Variants in BTBD9 observed in about 807,000 individuals in gnomAD.
BTBD9 encodes the protein BTB domain containing 9, also known as BTB/POZ domain-containing protein 9.
In BTBD9, 49 loss-of-function variants were observed where a neutral mutation model predicts 64.3. The observed-to-expected ratio is 0.76, with a 90% CI of 0.61 to 0.97. The LOEUF is 0.97. Among genes scored for constraint, BTBD9 ranks in the 50% least tolerant of loss-of-function variants. The probability of loss-of-function intolerance (pLI) is 0.00; values close to 1 mark genes in which losing one functional copy is unlikely to be tolerated. For missense variants in BTBD9, 598 were observed against 762.1 expected (o/e 0.78, Z 2.53); for synonymous variants, 260 against 274.7 (o/e 0.95, Z 0.53).
chr6:38,183,171 G>C (rs530063159), intron 10 of BTBD9, among the ~76,000 whole-genome samples: 1 of 152,076 alleles, frequency 6.6e-6, no homozygotes, highest in Non-Finnish European at 1.5e-5. Flanking sequence ...TAGTAGAGAT[G>C]GGGTTTCACC....
chr6:38,301,050 T>C (rs1482212709), intron 7 of BTBD9, among the ~76,000 whole-genome samples: 1 of 152,228 alleles, frequency 6.6e-6, no homozygotes, highest in African/African-American at 2.4e-5. Flanking sequence ...ACCTAATTTA[T>C]TGAGAGTTTT....
Position 38,175,027 on chromosome 6 carries a change from G to A in BTBD9, c.1797C>T (p.Ser599=). ...TGGGGGAGCGTGAGTTGGAGCCTGG[G>A]CTGGAGGGTAGTGAGCTGCCACTAG... is the stretch of plus-strand genomic sequence containing the variant. ...RAPSGSSLPS[S]PGSNSRSPNR... Residue 599 remains serine, a synonymous_variant, in exon 11 of 11, where the codon AGC becomes AGT. Transcript: ENST00000481247. 6.2e-7 allele frequency: 1 copy of A among 1,614,110 alleles called. No homozygotes were observed. Among genetic ancestry groups the A allele is most frequent in the Non-Finnish European group, 8.5e-7 (1 of 1,180,048 alleles).
chr6:38,602,418 C>G (rs1777282877), intron 1 of BTBD9, among the ~76,000 whole-genome samples: 1 of 150,052 alleles, frequency 6.7e-6, no homozygotes, highest in Non-Finnish European at 1.5e-5. Context: ...TACTAATGAA[C>G]AAAAAAATCT....
At chr6:38,420,332 G>A (rs1352641044) in intron 6 of BTBD9, among the ~76,000 whole-genome samples, 1 of 152,142 alleles carries the variant, frequency 6.6e-6, no homozygotes, top group Non-Finnish European at 1.5e-5. Context: ...CGCTTATACT[G>A]GGCAGGAAAC....
At chr6:38,331,385 A>G (rs1042609685) in intron 7 of BTBD9, among the ~76,000 whole-genome samples, 1 of 152,138 alleles carries the variant, frequency 6.6e-6, no homozygotes, top group African/African-American at 2.4e-5. Context: ...AGGCTGAGAC[A>G]TAAGAATCAC....
intron 1 of BTBD9, among the ~76,000 whole-genome samples, chr6:38,623,879 G>T (rs1289842125): frequency 2.6e-5 from 4 of 152,172 alleles, no homozygotes; most frequent in African/African-American, 9.7e-5. Context: ...AGGACCCCTG[G>T]ACTGACCCAC....
At chr6:38,415,811 T>C (rs1310008405) in intron 6 of BTBD9, among the ~76,000 whole-genome samples, 2 of 152,062 alleles carry the variant, frequency 1.3e-5, no homozygotes, top group Non-Finnish European at 2.9e-5. Context: ...TCTCCATTCC[T>C]ATCCACTGAT....
At chr6:38,278,220 G>A (rs1761358621) in intron 8 of BTBD9, among the ~76,000 whole-genome samples, 3 of 152,164 alleles carry the variant, frequency 2.0e-5, no homozygotes, top group Admixed American at 2.0e-4. Flanking sequence ...GAAAATTGTA[G>A]AGATCACTGA....
chr6:38,279,473 GT>G (rs1316056108), intron 8 of BTBD9, among the ~76,000 whole-genome samples: 1 of 151,984 alleles, frequency 6.6e-6, no homozygotes, highest in African/African-American at 2.4e-5. Flanking sequence ...CCCTTCATCA[GT>G]TTTTTCAGAA....
chr6:38,408,887 G>T (rs950019378), intron 6 of BTBD9, among the ~76,000 whole-genome samples: 1 of 152,104 alleles, frequency 6.6e-6, no homozygotes, highest in African/African-American at 2.4e-5. Context: ...GTATCCAAAG[G>T]AAAATGATAC....
At chr6:38,189,490 G>A (rs532801418) in intron 10 of BTBD9, among the ~76,000 whole-genome samples, 6 of 152,226 alleles carry the variant, frequency 3.9e-5, no homozygotes, top group Middle Eastern at 3.4e-3. Context: ...CAGCTTTATT[G>A]TACATTTTTT....
intron 6 of BTBD9, among the ~76,000 whole-genome samples, chr6:38,493,487 T>A (rs1771794852): frequency 6.6e-6 from 1 of 152,264 alleles, no homozygotes; most frequent in Non-Finnish European, 1.5e-5. Flanking sequence ...CCAGGACTAG[T>A]GATCTCAGCA....
At chr6:38,204,707 T>C (rs765227715) in intron 9 of BTBD9, among the ~76,000 whole-genome samples, 4 of 152,224 alleles carry the variant, frequency 2.6e-5, no homozygotes, top group East Asian at 1.9e-4. Context: ...GGTATATGAA[T>C]TGTATCTCAA....
intron 8 of BTBD9, among the ~76,000 whole-genome samples, chr6:38,260,447 G>T (rs993879924): frequency 1.3e-5 from 2 of 152,116 alleles, no homozygotes; most frequent in African/African-American, 4.8e-5. Flanking sequence ...AATGAAAATG[G>T]TCAGTCCGTT....
Position 38,367,799 on chromosome 6 carries a change from C to CAAAAAAAA in BTBD9, c.1155-22714_1155-22707dup, listed in dbSNP as rs575025737. ...TGCAAGAGTGTTGCACCAGAAATGG[C>CAAAAAAAA]AAAAAAAAAAAAAAAAAAAAAAAAA... On this transcript the variant is annotated intron_variant, in intron 6 of 10. Transcript: ENST00000481247. Among the ~76,000 whole-genome samples the CAAAAAAAA allele has an allele frequency of 4.3e-4, 36 of 84,320 alleles. 1 individual carries two copies. In the East Asian group the frequency reaches 7.8e-3, roughly 18 times the overall value. The allele number at this position is 84,320 out of a possible 152,430, so 55.3% of individuals were successfully genotyped here.
intron 1 of BTBD9, among the ~76,000 whole-genome samples, chr6:38,637,949 CA>C (rs1224703136): frequency 6.6e-6 from 1 of 152,198 alleles, no homozygotes; most frequent in Non-Finnish European, 1.5e-5. Flanking sequence ...TAATCCTTAA[CA>C]CTTTGCCTTC....
intron 6 of BTBD9, among the ~76,000 whole-genome samples, chr6:38,496,910 G>A (rs1476562168): frequency 2.0e-5 from 3 of 152,176 alleles, no homozygotes; most frequent in South Asian, 4.1e-4. Flanking sequence ...AAGCTTAAGA[G>A]AGCTGGTGGC....
At chr6:38,564,840 C>T (rs543173865) in intron 6 of BTBD9, among the ~76,000 whole-genome samples, 8 of 151,908 alleles carry the variant, frequency 5.3e-5, no homozygotes, top group South Asian at 2.1e-4. Flanking sequence ...TGCAGTGAGC[C>T]GAGATTGCAC....
At chr6:38,418,966 G>A (rs1767792213) in intron 6 of BTBD9, among the ~76,000 whole-genome samples, 1 of 152,096 alleles carries the variant, frequency 6.6e-6, no homozygotes, top group Non-Finnish European at 1.5e-5. Context: ...AAATAAAAGG[G>A]GAATGCATGG....
Sources: allele counts gnomAD v4.1 joint callset (sites outside exome capture counted in the v4.1 genomes callset), GRCh38; gene constraint gnomAD v4.1.1; transcripts MANE v1.5; gene names NCBI Gene and HGNC (gene_info 2026-07-23, HGNC 2026-07-21).